ASB16: variants seen among roughly 807,000 people sequenced by gnomAD.
ASB16 encodes the protein ankyrin repeat and SOCS box protein 16.
ASB16 carries 44 observed loss-of-function variants against 39.1 expected under a neutral mutation model. The observed-to-expected ratio is 1.13, with a 90% CI of 0.88 to 1.45. ASB16 has a LOEUF of 1.45. ASB16 is among the 40% of genes most tolerant of loss of function. The pLI is 0.00. For synonymous variants in ASB16, 305 were observed against 286.7 expected, an observed-to-expected ratio of 1.06 and a Z score of -0.64; for missense variants, 698 against 634.5, an observed-to-expected ratio of 1.10 and a Z score of -1.07.
At chr17:44,172,591 C>T (rs1225889294) in intron 2 of ASB16, among the ~76,000 whole-genome samples, 1 of 152,048 alleles carries the variant, frequency 6.6e-6, no homozygotes, top group Non-Finnish European at 1.5e-5. Flanking sequence ...CTGCAGTCTC[C>T]AATACCCTGT....
At position 44,177,190 on chromosome 17, in the gene ASB16, C is replaced by A. The variant is rs766966460; in HGVS notation, c.1022C>A (p.Ala341Asp). 1 of 1,539,636 alleles carries A rather than the reference C, an allele frequency of 6.5e-7. No homozygotes were observed. Among genetic ancestry groups the A allele is most frequent in the East Asian group, 2.4e-5 (1 of 41,092 alleles). ...SPNWEPEVLF[A>D]ALLDYGAQPV... ...AACTGGGAGCCTGAAGTCCTTTTCG[C>A]CGCACTGCTGGACTACGGGGCGCAG... The change falls in exon 3 of 5, where the codon GCC (alanine) becomes GAC (aspartate). Residue 341 changes from alanine (A) to aspartate (D), a missense_variant. Physicochemically the swap from Ala to Asp is moderately radical, Grantham distance 126 (BLOSUM62 -2). Transcript: ENST00000293414.
rs146107168 is a variant in ASB16 at position 44,172,274 on chromosome 17, C to T, written c.530C>T (p.Thr177Met). 10 of 1,613,596 alleles carry T rather than the reference C, an allele frequency of 6.2e-6. No homozygotes were observed. Among genetic ancestry groups the T allele is most frequent in the Admixed American group, 3.3e-5 (2 of 60,010 alleles). The part of the protein sequence containing the change: ...AKANVLTEEG[T>M]TPLHLCTIPE... Reference sequence around the variant, plus strand: ...GCTAATGTGCTGACTGAGGAGGGCACGACTCCTTTGCACCTCTGCACGATC... The same window carrying T: ...GCTAATGTGCTGACTGAGGAGGGCATGACTCCTTTGCACCTCTGCACGATC... The change falls in exon 2 of 5, where the codon ACG becomes ATG. Residue 177 changes from threonine (T) to methionine (M), a missense_variant. Transcript: ENST00000293414.
chr17:44,171,152 G>C, intron 1 of ASB16, 62 bp downstream of exon 1: 3 of 1,529,610 alleles, frequency 2.0e-6, no homozygotes, highest in Non-Finnish European at 2.7e-6. Flanking sequence ...GTGGGGAAGG[G>C]GGAGAGTCTA....
chr17:44,171,561 TAAAA>T (rs57839628), intron 1 of ASB16, among the ~76,000 whole-genome samples: 2 of 97,714 alleles, frequency 2.0e-5, no homozygotes, highest in Non-Finnish European at 1.8e-5. Flanking sequence ...AGACCCTGCC[TAAAA>T]AAAAAAAAAA....
At position 44,171,045 on chromosome 17, in the gene ASB16, A is replaced by G; in HGVS notation, c.256A>G (p.Ile86Val). The change falls in exon 1 of 5, where the codon ATT (isoleucine) becomes GTT (valine). Residue 86 changes from isoleucine (I) to valine (V), a missense_variant. Coordinates refer to ENST00000293414, the MANE Select transcript of ASB16 (RefSeq NM_080863.5). ...LFQDEEAANM[I>V]VETVSNQLAW... Reference sequence around the variant, plus strand: ...CCAAGATGAAGAGGCCGCCAACATGATTGTGGAGACTGTGAGCAACCAGCT... The same window carrying G: ...CCAAGATGAAGAGGCCGCCAACATGGTTGTGGAGACTGTGAGCAACCAGCT... 2.2e-5 allele frequency: 35 copies of G among 1,613,966 alleles called. No homozygotes were observed. Among genetic ancestry groups the G allele is most frequent in the Non-Finnish European group, 3.0e-5 (35 of 1,180,008 alleles).
rs1483802023 is a variant in ASB16 at position 44,177,074 on chromosome 17, G to A, written c.906G>A (p.Leu302=). The A allele has an allele frequency of 2.7e-6, 4 of 1,474,610 alleles. No individual in the cohort carries two copies. In the African/African-American group the frequency reaches 4.4e-5, roughly 16 times the overall value. The allele number at this position is 1,474,610 out of a possible 1,614,324, so 91.3% of individuals were successfully genotyped here. A position where few individuals can be genotyped will look rare whatever the true frequency, so the allele number is the denominator to read the frequency against. ...CANGCGGLAE[L]LLRYGARAEV... ...ACGGCTGCGGGGGCCTGGCCGAGCTGCTGCTGCGTTACGGGGCCCGCGCTG... is the reference window on the plus strand; with the variant it reads ...ACGGCTGCGGGGGCCTGGCCGAGCTACTGCTGCGTTACGGGGCCCGCGCTG... Residue 302 remains leucine (L), a synonymous_variant, in exon 3 of 5, where the codon CTG becomes CTA. Transcript: ENST00000293414.
chr17:44,170,770 C>G lies in ASB16; in HGVS notation c.-20C>G. 1 of 1,565,112 alleles carries G rather than the reference C, an allele frequency of 6.4e-7. No individual in the cohort carries two copies. The highest frequency in any genetic ancestry group is 8.7e-7 in the Non-Finnish European group (1 of 1,154,970). ...CTGGCTCTGCCCAGGTGCCACTGCC[C>G]AAACCCCTGGGCCCCATCCATGGCA... On this transcript the variant is annotated 5_prime_UTR_variant, in exon 1 of 5. Transcript: ENST00000293414.
chr17:44,178,306 C>T lies in ASB16; in HGVS notation c.1278C>T (p.Arg426=). 6.2e-7 allele frequency: 1 copy of T among 1,612,478 alleles called. No homozygotes were observed. Among genetic ancestry groups the T allele is most frequent in the Non-Finnish European group, 8.5e-7 (1 of 1,179,666 alleles). ...RLAVRARLGS[R]CRQGATRLPL... ...CTGTGCGCGCTCGGTTGGGAAGCCG[C>T]TGCCGGCAGGGTGCCACCCGGCTGC... is the stretch of plus-strand genomic sequence containing the variant. Residue 426 remains arginine, a synonymous_variant, in exon 5 of 5, where the codon CGC becomes CGT. Coordinates refer to ENST00000293414, the MANE Select transcript of ASB16 (RefSeq NM_080863.5).
Position 44,172,116 on chromosome 17 carries a change from AGACTGTGCTC to A in ASB16, c.376_385del (p.Cys126ThrfsTer2). ...CCATCGCTACAGCCCGAGGCTACAC[AGACTGTGCTC>A]GACACCTGATCCGGCAGGGAGCTGA... On this transcript the variant is annotated frameshift_variant, in exon 2 of 5. Transcript: ENST00000293414. LOFTEE classifies it high-confidence loss of function. 6.2e-7 allele frequency: 1 copy of A among 1,611,420 alleles called. No homozygotes were observed. Among genetic ancestry groups the A allele is most frequent in the Non-Finnish European group, 8.5e-7 (1 of 1,179,946 alleles).
chr17:44,177,254 G>C (rs1433639586), intron 3 of ASB16, 24 bp downstream of exon 3: 8 of 1,518,110 alleles, frequency 5.3e-6, no homozygotes, highest in Non-Finnish European at 7.1e-6. Context: ...CCCTGACATA[G>C]GAGGCTCCTG....
intron 3 of ASB16, 138 bp downstream of exon 3, chr17:44,177,368 G>A: frequency 7.7e-7 from 1 of 1,301,878 alleles, no homozygotes; most frequent in African/African-American, 1.5e-5. Flanking sequence ...CCCCAGCTTG[G>A]GAGGGGGAGA....
chr17:44,172,126 C>CA lies in ASB16; in HGVS notation c.382_383insA (p.Arg128GlnfsTer9), dbSNP rs1188864067. The CA allele has an allele frequency of 1.2e-6, 2 of 1,611,558 alleles. No homozygotes were observed. Among genetic ancestry groups the CA allele is most frequent in the Admixed American group, 3.3e-5 (2 of 59,990 alleles). The stretch of plus-strand genomic sequence containing the variant: ...AGCCCGAGGCTACACAGACTGTGCT[C>CA]GACACCTGATCCGGCAGGGAGCTGA... On this transcript the variant is annotated frameshift_variant, in exon 2 of 5. Transcript: ENST00000293414. LOFTEE classifies it high-confidence loss of function.
rs2054301341 is a variant in ASB16, at chr17:44,176,940, G to C, written c.772G>C (p.Gly258Arg). 3 of 1,521,218 alleles carry C rather than the reference G, an allele frequency of 2.0e-6. No individual in the cohort carries two copies. The highest frequency in any genetic ancestry group is 2.6e-6 in the Non-Finnish European group (3 of 1,145,264). The allele number at this position is 1,521,218 out of a possible 1,614,324, so 94.2% of individuals were successfully genotyped here. A position where few individuals can be genotyped will look rare whatever the true frequency, so the allele number is the denominator to read the frequency against. Reference protein sequence around the residue: ...NTACAGAEGPGSCRRHQAAAR... With the variant: ...NTACAGAEGPRSCRRHQAAAR... ...GGCGTGCGCTGGGGCCGAGGGCCCA[G>C]GTAGCTGCAGGCGACACCAGGCTGC... The change falls in exon 3 of 5, where the codon GGT becomes CGT. Residue 258 changes from glycine to arginine, a missense_variant. By Grantham distance (125) the Gly-to-Arg change is moderately radical (BLOSUM62 -2). Coordinates refer to ENST00000293414, the MANE Select transcript of ASB16 (RefSeq NM_080863.5).
chr17:44,173,083 TAAAAAAA>T (rs770273961), intron 2 of ASB16, among the ~76,000 whole-genome samples: 4 of 77,570 alleles, frequency 5.2e-5, no homozygotes, highest in Non-Finnish European at 7.7e-5. Flanking sequence ...GAGACTGTCT[TAAAAAAA>T]AAAAAAAAAA....
chr17:44,177,394 G>A, intron 3 of ASB16, 164 bp downstream of exon 3: 10 of 1,208,062 alleles, frequency 8.3e-6, no homozygotes, highest in Non-Finnish European at 1.1e-5. Flanking sequence ...TTCTGGGAGA[G>A]AGAGTCCAAG....
intron 1 of ASB16, 38 bp from the exon 2 acceptor site, chr17:44,172,008 C>A (rs763998884): frequency 6.3e-7 from 1 of 1,592,684 alleles, no homozygotes; most frequent in South Asian, 1.1e-5. Flanking sequence ...CCTGCCCTGT[C>A]TTATACACCA....
chr17:44,174,066 G>A (rs985149536), intron 2 of ASB16, among the ~76,000 whole-genome samples: 1 of 142,274 alleles, frequency 7.0e-6, no homozygotes, highest in Non-Finnish European at 1.5e-5. Context: ...TTGAGACGGA[G>A]TCTTGCTCTG....
At chr17:44,171,614 G>A (rs932708102) in intron 1 of ASB16, among the ~76,000 whole-genome samples, 2 of 139,522 alleles carry the variant, frequency 1.4e-5, no homozygotes, top group African/African-American at 5.7e-5. Context: ...GGCTCATCTC[G>A]AACTCCTGAG....
In ASB16 at chr17:44,176,779, T is replaced by A. The variant is rs1368280369; in HGVS notation, c.611T>A (p.Leu204Gln). The A allele has an allele frequency of 6.2e-7, 1 of 1,613,610 alleles. No individual in the cohort carries two copies. Among genetic ancestry groups the A allele is most frequent in the East Asian group, 2.2e-5 (1 of 44,884 alleles). ...CTGGAAGCAGGAGCGACGGTGAACCTGGCAGCAGGCGAGAGCCAGGAGACG... is the reference window on the plus strand; with the variant it reads ...CTGGAAGCAGGAGCGACGGTGAACCAGGCAGCAGGCGAGAGCCAGGAGACG... ...LLLEAGATVNLAAGESQETPL... is the reference protein window; with the variant it reads ...LLLEAGATVNQAAGESQETPL... The change falls in exon 3 of 5, where the codon CTG (leucine) becomes CAG (glutamine). Residue 204 changes from leucine to glutamine, a missense_variant. Coordinates refer to ENST00000293414, the MANE Select transcript of ASB16 (RefSeq NM_080863.5).
Sources: gnomAD v4.1 joint callset for allele counts (sites outside exome capture counted in the v4.1 genomes callset) on GRCh38, gnomAD v4.1.1 for gene constraint, MANE v1.5 for transcripts, NCBI Gene and HGNC (gene_info 2026-07-23, HGNC 2026-07-21) for gene names.